Variants in TLN2 observed in about 807,000 individuals in gnomAD.
TLN2 encodes the protein talin 2.
A neutral mutation model predicts 294.7 loss-of-function variants in TLN2; 118 were observed. That is an observed-to-expected ratio of 0.40 (90% CI 0.34 to 0.47). The LOEUF (loss-of-function observed/expected upper bound fraction) is 0.47, where lower values mean the gene tolerates loss of function less well. Among genes scored for constraint, TLN2 ranks in the 20% least tolerant of loss-of-function variants. The pLI is 0.84. For synonymous variants in TLN2, 1,431 were observed against 1,304.5 expected (o/e 1.10, Z -2.09); for missense variants, 3,083 against 3,282.2 (o/e 0.94, Z 1.48).
At chr15:62,794,283 T>A (rs915080353) in intron 46 of TLN2, among the ~76,000 whole-genome samples, 2 of 152,148 alleles carry the variant, frequency 1.3e-5, no homozygotes, top group Non-Finnish European at 2.9e-5. Context: ...CTTTTGACTG[T>A]TTCTTGCTGT....
intron 1 of TLN2, among the ~76,000 whole-genome samples, chr15:62,492,726 G>A (rs1050388422): frequency 6.6e-6 from 1 of 151,922 alleles, no homozygotes; most frequent in Non-Finnish European, 1.5e-5. Context: ...AAATTAAAAT[G>A]TATAAGTAAG....
rs552073056 is a variant in TLN2, at chr15:62,791,349, ATCTC to A, written c.5737-1291_5737-1288del. ...AGCCTAGGTGACAGAACAAGACTCT[ATCTC>A]AAAAAAAAGAAGAAAGTGTGTAGAA... On this transcript the variant is annotated intron_variant, in intron 45 of 58. Coordinates refer to ENST00000636159, the MANE Select transcript of TLN2 (RefSeq NM_015059.3). Among the ~76,000 whole-genome samples, 8 of 152,250 alleles carry A rather than the reference ATCTC, an allele frequency of 5.3e-5. No homozygotes were observed. In the East Asian group the frequency reaches 1.4e-3, roughly 26 times the overall value.
chr15:62,761,322 T>TGTAGTCTCAAAAGTGAGGAGGAAA (rs1304318983), intron 37 of TLN2, among the ~76,000 whole-genome samples: 11 of 152,154 alleles, frequency 7.2e-5, no homozygotes, highest in African/African-American at 2.7e-4. Context: ...TCCCAAGGAT[T>TGTAGTCTCAAAAGTGAGGAGGAAA]GTAGTCTCAA....
At chr15:62,392,782 G>C (rs2032206156) in intron 1 of TLN2, among the ~76,000 whole-genome samples, 1 of 152,064 alleles carries the variant, frequency 6.6e-6, no homozygotes, top group Non-Finnish European at 1.5e-5. Context: ...GGAGGGGAGA[G>C]GCTTTCCTGT....
chr15:62,776,669 G>A (rs917373204), intron 42 of TLN2, 95 bp from the exon 43 acceptor site: 10 of 1,177,638 alleles, frequency 8.5e-6, no homozygotes, highest in African/African-American at 1.6e-5. Context: ...CCATTGTGGG[G>A]GTATGGTTTT....
At chr15:62,738,769 G>T (rs1439182962) in intron 30 of TLN2, among the ~76,000 whole-genome samples, 1 of 152,102 alleles carries the variant, frequency 6.6e-6, no homozygotes, top group African/African-American at 2.4e-5. Flanking sequence ...GTGCATCTTT[G>T]TTTCTTCTCT....
intron 57 of TLN2, among the ~76,000 whole-genome samples, chr15:62,836,851 G>C (rs979035760): frequency 1.3e-5 from 2 of 152,154 alleles, no homozygotes; most frequent in African/African-American, 2.4e-5. Context: ...ATCATGGCGA[G>C]ATACATTCTG....
intron 13 of TLN2, among the ~76,000 whole-genome samples, chr15:62,693,995 G>T (rs1156388309): frequency 3.0e-5 from 4 of 132,790 alleles, no homozygotes; most frequent in Non-Finnish European, 4.6e-5. Flanking sequence ...TTGAGACAGA[G>T]TCTCCCTCAG....
Position 62,783,764 on chromosome 15 carries a change from T to C in TLN2, c.5617-7T>C. The C allele has an allele frequency of 3.1e-6, 5 of 1,592,606 alleles. No individual in the cohort carries two copies. Among genetic ancestry groups the C allele is most frequent in the Non-Finnish European group, 4.3e-6 (5 of 1,163,466 alleles). ...GTGTGTGTGTCTTGCTTGTTTTCTT[T>C]TTCCAGATGACTAAGTCGGTTACTA... On this transcript the variant is annotated splice_polypyrimidine_tract_variant and splice_region_variant and intron_variant, in intron 44 of 58. Transcript: ENST00000636159.
intron 1 of TLN2, among the ~76,000 whole-genome samples, chr15:62,454,861 A>G (rs1368704006): frequency 1.3e-5 from 2 of 152,258 alleles, no homozygotes; most frequent in East Asian, 3.9e-4. Context: ...ATTGTTCCCA[A>G]GACCCTCCCT....
At position 62,724,991 on chromosome 15, in the gene TLN2, G is replaced by T. The variant is rs1394468683; in HGVS notation, c.3142G>T (p.Gly1048Cys). The change falls in exon 27 of 59, where the codon GGT becomes TGT. Residue 1048 changes from glycine (G) to cysteine (C), a missense_variant. Gly to Cys is a radical substitution (Grantham distance 159, BLOSUM62 -3). Transcript: ENST00000636159. ...TASQKAHEACGPMEIDSALNT... is the reference protein window; with the variant it reads ...TASQKAHEACCPMEIDSALNT... Reference sequence around the variant, plus strand: ...CTGTTGGCAGGCCCATGAAGCTTGTGGTCCGATGGAAATCGATTCAGCTCT... The same window carrying T: ...CTGTTGGCAGGCCCATGAAGCTTGTTGTCCGATGGAAATCGATTCAGCTCT... 6.2e-7 allele frequency: 1 copy of T among 1,612,124 alleles called. No homozygotes were observed. The highest frequency in any genetic ancestry group is 8.5e-7 in the Non-Finnish European group (1 of 1,178,956).
At chr15:62,691,199 A>G (rs1488631148) in intron 12 of TLN2, among the ~76,000 whole-genome samples, 1 of 151,872 alleles carries the variant, frequency 6.6e-6, no homozygotes, top group African/African-American at 2.4e-5. Context: ...TTTATCCAAC[A>G]CTGTCCTCTC....
chr15:62,671,320 T>G (rs2055392045), intron 9 of TLN2, among the ~76,000 whole-genome samples: 3 of 152,188 alleles, frequency 2.0e-5, no homozygotes, highest in Non-Finnish European at 4.4e-5. Context: ...TTACTACATG[T>G]GCTTTTGGTA....
rs995333473 is a variant in TLN2, at chr15:62,583,426, G to T, written c.-237-6261G>T. On this transcript the variant is annotated intron_variant, in intron 1 of 58. Coordinates refer to ENST00000636159, the MANE Select transcript of TLN2 (RefSeq NM_015059.3). Reference sequence around the variant, plus strand: ...AATAATGTACTGAATATCATAGTTGGTCTAGAGACAAAAAGTTTCTTCTAA... The same window carrying T: ...AATAATGTACTGAATATCATAGTTGTTCTAGAGACAAAAAGTTTCTTCTAA... Among the ~76,000 whole-genome samples, 4 of 152,004 alleles carry T rather than the reference G, an allele frequency of 2.6e-5. No homozygotes were observed. The East Asian group carries it at 7.7e-4, about 29-fold the overall frequency.
At position 62,762,404 on chromosome 15, in the gene TLN2, C is replaced by T. The variant is rs1229631722; in HGVS notation, c.4912C>T (p.His1638Tyr). ...DPPTWSVLAG[H>Y]SHTVSDSIKS... ...ACCCACCTGGTCTGTACTGGCTGGA[C>T]ATTCCCATACAGTGTCCGACTCCAT... The change falls in exon 39 of 59, where the codon CAT becomes TAT. Residue 1638 changes from histidine (H) to tyrosine (Y), a missense_variant. His to Tyr is a moderately conservative substitution (Grantham distance 83, BLOSUM62 2). Transcript: ENST00000636159. 2 of 1,614,216 alleles carry T rather than the reference C, an allele frequency of 1.2e-6. No individual in the cohort carries two copies. Among genetic ancestry groups the T allele is most frequent in the South Asian group, 1.1e-5 (1 of 91,088 alleles).
At chr15:62,507,645 T>G (rs2039695655) in intron 1 of TLN2, among the ~76,000 whole-genome samples, 1 of 152,202 alleles carries the variant, frequency 6.6e-6, no homozygotes, top group Non-Finnish European at 1.5e-5. Context: ...GTTAGTGCAG[T>G]GAGTTAATTG....
chr15:62,712,783 G>C (rs183132093), intron 22 of TLN2, among the ~76,000 whole-genome samples: 63 of 152,192 alleles, frequency 4.1e-4, no homozygotes, highest in Admixed American at 3.4e-3. Flanking sequence ...AGGATATTCC[G>C]ATGTGCATCT....
At chr15:62,743,670 G>A (rs1340644341) in intron 32 of TLN2, among the ~76,000 whole-genome samples, 2 of 152,110 alleles carry the variant, frequency 1.3e-5, no homozygotes, top group African/African-American at 2.4e-5. Context: ...CTGGTCAGGT[G>A]CCCCCTAAAC....
chr15:62,642,689 T>G (rs60620982), intron 3 of TLN2, among the ~76,000 whole-genome samples: 56 of 150,568 alleles, frequency 3.7e-4, no homozygotes, highest in African/African-American at 1.4e-3. Context: ...TTTGTTTGTT[T>G]GTTTGTTTTC....
Sources: allele counts gnomAD v4.1 joint callset (sites outside exome capture counted in the v4.1 genomes callset), GRCh38; gene constraint gnomAD v4.1.1; transcripts MANE v1.5; gene names NCBI Gene and HGNC (gene_info 2026-07-23, HGNC 2026-07-21).